The following SNX2 variants were observed in gnomAD, a reference collection of about 807,000 sequenced individuals.
SNX2 encodes the protein sorting nexin 2, also known as sorting nexin-2.
A neutral mutation model predicts 69.9 loss-of-function variants in SNX2; 25 were observed. That is an observed-to-expected ratio of 0.36 (90% CI 0.26 to 0.50). The LOEUF is 0.50. SNX2 is among the 20% of genes least tolerant of loss of function. The probability of loss-of-function intolerance (pLI) is 0.97; values close to 1 mark genes in which losing one functional copy is unlikely to be tolerated. For synonymous variants in SNX2, 229 were observed against 200.4 expected (o/e 1.14, Z -1.20); for missense variants, 551 against 613.3 (o/e 0.90, Z 1.07).
intron 1 of SNX2, among the ~76,000 whole-genome samples, chr5:122,790,227 T>C (rs1325367479): frequency 6.6e-6 from 1 of 152,142 alleles, no homozygotes; most frequent in Non-Finnish European, 1.5e-5. Flanking sequence ...CAAGCTATCC[T>C]CCTGCTTCAG....
intron 1 of SNX2, among the ~76,000 whole-genome samples, chr5:122,794,081 C>T (rs796206146): frequency 4.0e-5 from 6 of 151,876 alleles, no homozygotes; most frequent in East Asian, 3.9e-4. Context: ...GAGGCTGAGG[C>T]GGGTGGATCA....
intron 2 of SNX2, among the ~76,000 whole-genome samples, chr5:122,798,956 T>A (rs6870524): frequency 0.42 from 63,430 of 151,938 alleles, 13,816 homozygotes; most frequent in African/African-American, 0.5. Context: ...CCACATGCTT[T>A]TGTCTTGTTT....
chr5:122,797,566 C>T (rs1253692602), intron 2 of SNX2, among the ~76,000 whole-genome samples: 1 of 151,996 alleles, frequency 6.6e-6, no homozygotes, highest in Admixed American at 6.6e-5. Flanking sequence ...GAGTATGGTT[C>T]TAGGAAACTA....
At chr5:122,816,204 G>C (rs1001227760) in intron 8 of SNX2, among the ~76,000 whole-genome samples, 23 of 152,154 alleles carry the variant, frequency 1.5e-4, no homozygotes, top group African/African-American at 5.3e-4. Context: ...AGATTTAAGA[G>C]AGTGATTTAT....
At chr5:122,800,435 G>A (rs777126546) in intron 3 of SNX2, among the ~76,000 whole-genome samples, 1 of 151,958 alleles carries the variant, frequency 6.6e-6, no homozygotes, top group Non-Finnish European at 1.5e-5. Flanking sequence ...AAACAATCTC[G>A]CAAACATAAT....
intron 1 of SNX2, among the ~76,000 whole-genome samples, chr5:122,794,559 AAAAC>A (rs1057019236): frequency 2.6e-5 from 4 of 152,344 alleles, no homozygotes; most frequent in South Asian, 2.1e-4. Context: ...CCCACCAGGA[AAAAC>A]AAACAAACAA....
chr5:122,779,376 A>G (rs952226062), intron 1 of SNX2, among the ~76,000 whole-genome samples: 7 of 152,168 alleles, frequency 4.6e-5, no homozygotes, highest in Non-Finnish European at 7.3e-5. Flanking sequence ...TTCTGTCTCT[A>G]GATTTCCCTA....
chr5:122,795,816 C>G (rs17149627), intron 2 of SNX2, among the ~76,000 whole-genome samples: 1 of 151,990 alleles, frequency 6.6e-6, no homozygotes, highest in Non-Finnish European at 1.5e-5. Context: ...ACCATCTGTT[C>G]CATTTGACCC....
chr5:122,828,373 T>C (rs1253513039), intron 14 of SNX2, among the ~76,000 whole-genome samples: 1 of 152,198 alleles, frequency 6.6e-6, no homozygotes. Context: ...TTTTTTTAAA[T>C]ATGAAAATAA....
intron 1 of SNX2, among the ~76,000 whole-genome samples, chr5:122,790,154 T>TG (rs1491150013): frequency 2.6e-5 from 4 of 152,082 alleles, no homozygotes. Flanking sequence ...AGTCTTACTC[T>TG]GTTGCCCAGG....
At chr5:122,784,890 C>G (rs541083851) in intron 1 of SNX2, among the ~76,000 whole-genome samples, 1 of 152,246 alleles carries the variant, frequency 6.6e-6, no homozygotes, top group East Asian at 1.9e-4. Flanking sequence ...AGGCTTTTAA[C>G]GACAAATTCA....
Position 122,818,928 on chromosome 5 carries a change from A to C in SNX2, c.1117A>C (p.Lys373Gln). Residue 373 changes from lysine (K) to glutamine (Q), a missense_variant, in exon 11 of 15, where the codon AAG becomes CAG. By Grantham distance (53) the Lys-to-Gln change is moderately conservative. Coordinates refer to ENST00000379516, the MANE Select transcript of SNX2 (RefSeq NM_003100.4). ...ALSQLAEVEE[K>Q]IDQLHQEQAF... is the part of the protein sequence containing the mutation. ...GTCTCAGCTTGCAGAGGTTGAGGAG[A>C]AGATAGACCAGTTACATCAAGAACA... 1.9e-6 allele frequency: 3 copies of C among 1,613,940 alleles called. No individual in the cohort carries two copies. The highest frequency in any genetic ancestry group is 2.5e-6 in the Non-Finnish European group (3 of 1,179,878).
At chr5:122,790,485 G>A (rs546006304) in intron 1 of SNX2, among the ~76,000 whole-genome samples, 2 of 152,182 alleles carry the variant, frequency 1.3e-5, no homozygotes, top group African/African-American at 2.4e-5. Flanking sequence ...TCCTTGCCAC[G>A]TGACCTCTCT....
At chr5:122,807,552 G>T (rs184748828) in intron 6 of SNX2, among the ~76,000 whole-genome samples, 39 of 152,194 alleles carry the variant, frequency 2.6e-4, no homozygotes, top group African/African-American at 8.7e-4. Context: ...TATGTTCAAG[G>T]TTATTTCATG....
chr5:122,822,160 C>T (rs1026248640), intron 11 of SNX2, among the ~76,000 whole-genome samples: 5 of 152,150 alleles, frequency 3.3e-5, no homozygotes, highest in Non-Finnish European at 5.9e-5. Flanking sequence ...GTGGTGCAAT[C>T]TTGGCTCACT....
At chr5:122,778,517 T>C (rs1427872041) in intron 1 of SNX2, among the ~76,000 whole-genome samples, 1 of 152,168 alleles carries the variant, frequency 6.6e-6, no homozygotes, top group Admixed American at 6.5e-5. Flanking sequence ...ATTTTTGTTT[T>C]TATTTTTTTG....
At chr5:122,802,231 C>A in intron 5 of SNX2, 107 bp downstream of exon 5, 1 of 979,804 alleles carries the variant, frequency 1.0e-6, no homozygotes, top group Non-Finnish European at 1.6e-6. Flanking sequence ...TAAAGGTTAC[C>A]ACCTAATAAA....
chr5:122,806,138 G>GCGCA (rs1753643301), intron 6 of SNX2, among the ~76,000 whole-genome samples: 1 of 61,548 alleles, frequency 1.6e-5, no homozygotes, highest in Non-Finnish European at 3.8e-5. Context: ...ATACACACGC[G>GCGCA]CGCGCACACA....
Position 122,833,770 on chromosome 5 carries a change from G to A in SNX2, c.*4122G>A, listed in dbSNP as rs777432295. 1.3e-5 allele frequency: 2 copies of A among 152,010 alleles called. No homozygotes were observed. The highest frequency in any genetic ancestry group is 2.4e-5 in the African/African-American group (1 of 41,400). 9.4% of individuals were successfully genotyped at this position (152,010 alleles called of 1,614,324 possible). On this transcript the variant is annotated 3_prime_UTR_variant, in exon 15 of 15. Transcript: ENST00000379516. ...ATTGTACACATGAAATGAGTTTACT[G>A]TGGAAATGAAAATGCAGAGTAAGTC...
Sources: allele counts gnomAD v4.1 joint callset (sites outside exome capture counted in the v4.1 genomes callset), GRCh38; gene constraint gnomAD v4.1.1; transcripts MANE v1.5; gene names NCBI Gene and HGNC (gene_info 2026-07-23, HGNC 2026-07-21).